KCNH8: variants seen among roughly 807,000 people sequenced by gnomAD.
KCNH8 encodes voltage-gated delayed rectifier potassium channel KCNH8.
In KCNH8, 70 loss-of-function variants were observed where a neutral mutation model predicts 103.6. The observed-to-expected ratio is 0.68, with a 90% CI of 0.56 to 0.82. The LOEUF is 0.82. Ranked by LOEUF, KCNH8 falls within the 40% of genes least tolerant of loss-of-function variation. The probability of loss-of-function intolerance (pLI) is 0.00; values close to 1 mark genes in which losing one functional copy is unlikely to be tolerated. For missense variants in KCNH8, 1,217 were observed against 1,329.9 expected (o/e 0.92, Z 1.32); for synonymous variants, 498 against 489.4 (o/e 1.02, Z -0.23).
At chr3:19,400,657 GA>G (rs1282952045) in intron 7 of KCNH8, among the ~76,000 whole-genome samples, 2 of 151,626 alleles carry the variant, frequency 1.3e-5, no homozygotes, top group East Asian at 3.9e-4. Context: ...TCTAGAATGG[GA>G]AAAAAGGGAT....
chr3:19,191,863 G>C (rs1258389133), intron 1 of KCNH8, among the ~76,000 whole-genome samples: 2 of 151,708 alleles, frequency 1.3e-5, no homozygotes, highest in Non-Finnish European at 3.0e-5. Flanking sequence ...TTATGTGGTT[G>C]TATAATTTTT....
At chr3:19,274,618 A>G (rs1463274502) in intron 2 of KCNH8, among the ~76,000 whole-genome samples, 1 of 152,056 alleles carries the variant, frequency 6.6e-6, no homozygotes, top group Non-Finnish European at 1.5e-5. Flanking sequence ...TATTGACTAA[A>G]TCATGTCTTG....
At chr3:19,472,864 C>CT (rs1333523836) in intron 11 of KCNH8, among the ~76,000 whole-genome samples, 1 of 152,156 alleles carries the variant, frequency 6.6e-6, no homozygotes, top group Non-Finnish European at 1.5e-5. Context: ...TACATCTCAT[C>CT]TTTTTTTACT....
intron 1 of KCNH8, among the ~76,000 whole-genome samples, chr3:19,203,295 T>C (rs1011964896): frequency 3.3e-5 from 5 of 152,070 alleles, no homozygotes. Context: ...TAAATTTGGC[T>C]AAAGATTCAA....
At chr3:19,521,573 G>GTGAGAGAGGATCAATGTTTT (rs1261932550) in intron 15 of KCNH8, among the ~76,000 whole-genome samples, 34 of 151,940 alleles carry the variant, frequency 2.2e-4, no homozygotes, top group Admixed American at 2.0e-3. Context: ...AGAGTAATAA[G>GTGAGAGAGGATCAATGTTTT]TGAGAGAGGA....
At chr3:19,470,065 AT>A (rs144085214) in intron 11 of KCNH8, among the ~76,000 whole-genome samples, 87 of 151,804 alleles carry the variant, frequency 5.7e-4, no homozygotes, top group South Asian at 3.8e-3. Flanking sequence ...ATTATATTTA[AT>A]TTTTTTTTAA....
At chr3:19,478,901 G>A (rs944658853) in intron 11 of KCNH8, among the ~76,000 whole-genome samples, 1 of 152,194 alleles carries the variant, frequency 6.6e-6, no homozygotes, top group Non-Finnish European at 1.5e-5. Context: ...AGCAGCCTAG[G>A]TCCCTGAATC....
chr3:19,438,398 C>T (rs201967639), intron 8 of KCNH8, 37 bp downstream of exon 8: 1 of 1,519,858 alleles, frequency 6.6e-7, no homozygotes, highest in Non-Finnish European at 9.0e-7. Flanking sequence ...AGAAGAGGAA[C>T]TATGCCTACC....
intron 3 of KCNH8, among the ~76,000 whole-genome samples, chr3:19,335,990 A>T (rs1356042106): frequency 6.6e-6 from 1 of 151,560 alleles, no homozygotes. Context: ...TTTAGAAAAA[A>T]ATGTTGTTTT....
At chr3:19,352,272 A>C (rs1342799522) in intron 5 of KCNH8, among the ~76,000 whole-genome samples, 1 of 152,206 alleles carries the variant, frequency 6.6e-6, no homozygotes, top group Admixed American at 6.5e-5. Context: ...AGACTCCCAC[A>C]GAATAATAAT....
rs117229705 is a variant in KCNH8, at chr3:19,254,745, A to C, written c.310+858A>C. On this transcript the variant is annotated intron_variant, in intron 2 of 15. Coordinates refer to ENST00000328405, the MANE Select transcript of KCNH8 (RefSeq NM_144633.3). Reference sequence around the variant, plus strand: ...AATAGCTTTCCTTTTCCCTTGTAGTAACATAATCCCCTGAGTTTTAGCTAG... The same window carrying C: ...AATAGCTTTCCTTTTCCCTTGTAGTCACATAATCCCCTGAGTTTTAGCTAG... Among the ~76,000 whole-genome samples, 57 of 152,252 alleles carry C rather than the reference A, an allele frequency of 3.7e-4. No homozygotes were observed. The East Asian group carries it at 9.3e-3, about 25-fold the overall frequency.
intron 3 of KCNH8, among the ~76,000 whole-genome samples, chr3:19,286,861 G>A (rs181231493): frequency 1.3e-5 from 2 of 152,270 alleles, no homozygotes; most frequent in Non-Finnish European, 2.9e-5. Context: ...GGAACCCGCA[G>A]ATACAGAAGG....
intron 5 of KCNH8, among the ~76,000 whole-genome samples, chr3:19,382,550 AG>A (rs1228086010): frequency 6.6e-6 from 1 of 152,190 alleles, no homozygotes; most frequent in African/African-American, 2.4e-5. Context: ...CCACTATATT[AG>A]GTCTGTAAAG....
chr3:19,511,985 C>A (rs1450851910), intron 12 of KCNH8, among the ~76,000 whole-genome samples: 1 of 152,122 alleles, frequency 6.6e-6, no homozygotes, highest in Non-Finnish European at 1.5e-5. Context: ...AAGTCAATAA[C>A]CATGACAGCC....
rs192744075 is a variant in KCNH8, at chr3:19,430,070, G to A, written c.1178-8094G>A. On this transcript the variant is annotated intron_variant, in intron 7 of 15. Coordinates refer to ENST00000328405, the MANE Select transcript of KCNH8 (RefSeq NM_144633.3). ...TAATAGAATTACTTATATTCCTCTG[G>A]GTATATACCCAGTAATGGGATTGTT... 2.7e-3 allele frequency among the ~76,000 whole-genome samples: 404 copies of A among 152,068 alleles called. 6 individuals carry two copies. The highest frequency in any genetic ancestry group is 9.2e-3 in the African/African-American group (383 of 41,474).
intron 1 of KCNH8, among the ~76,000 whole-genome samples, chr3:19,167,280 T>G (rs528382788): frequency 6.6e-6 from 1 of 152,322 alleles, no homozygotes; most frequent in South Asian, 2.1e-4. Context: ...ATTGAAAAGA[T>G]TTAAATAATT....
chr3:19,315,410 C>A (rs1575520679), intron 3 of KCNH8, among the ~76,000 whole-genome samples: 1 of 151,940 alleles, frequency 6.6e-6, no homozygotes, highest in East Asian at 1.9e-4. Context: ...TGCTGATCAG[C>A]TTTTGCCTTA....
intron 11 of KCNH8, among the ~76,000 whole-genome samples, chr3:19,494,794 G>A (rs545121892): frequency 3.9e-5 from 6 of 152,174 alleles, no homozygotes; most frequent in Non-Finnish European, 7.4e-5. Flanking sequence ...TTCCATAATA[G>A]TTGAACTAAT....
chr3:19,445,708 G>A (rs1456841152), intron 8 of KCNH8, among the ~76,000 whole-genome samples: 2 of 151,934 alleles, frequency 1.3e-5, no homozygotes, highest in Admixed American at 6.6e-5. Context: ...ATTTTAAAAG[G>A]TTGACTTTAG....
Sources: allele counts gnomAD v4.1 joint callset (sites outside exome capture counted in the v4.1 genomes callset), GRCh38; gene constraint gnomAD v4.1.1; transcripts MANE v1.5; gene names NCBI Gene and HGNC (gene_info 2026-07-23, HGNC 2026-07-21).